NIBAN2: variants seen among roughly 807,000 people sequenced by gnomAD.
NIBAN2 encodes protein Niban 2.
A neutral mutation model predicts 81.8 loss-of-function variants in NIBAN2; 36 were observed. The observed-to-expected ratio is 0.44, with a 90% CI of 0.34 to 0.58. The LOEUF is 0.58. NIBAN2 is among the 20% of genes least tolerant of loss of function. NIBAN2 has a pLI of 0.02. For synonymous variants in NIBAN2, 445 were observed against 441.6 expected, an observed-to-expected ratio of 1.01 and a Z score of -0.10; for missense variants, 897 against 1,014.1, an observed-to-expected ratio of 0.88 and a Z score of 1.57.
chr9:127,569,035 C>G lies in NIBAN2; in HGVS notation c.-161G>C, dbSNP rs1837910482. The stretch of plus-strand genomic sequence containing the variant: ...CCGGCTGCGGCTTCCGCTCCGGCTC[C>G]GCTCCCGGTCGGGCCCCGTCCCTCC... On this transcript the variant is annotated 5_prime_UTR_variant, in exon 1 of 14. Coordinates refer to ENST00000373312, the MANE Select transcript of NIBAN2 (RefSeq NM_022833.4). The G allele has an allele frequency of 9.1e-7, 1 of 1,102,656 alleles. No individual in the cohort carries two copies. The highest frequency in any genetic ancestry group is 5.2e-5 in the Admixed American group (1 of 19,400). 68.3% of individuals were successfully genotyped at this position (1,102,656 alleles called of 1,614,324 possible).
chr9:127,526,412 A>AG (rs1353672352), intron 3 of NIBAN2, among the ~76,000 whole-genome samples: 12 of 151,330 alleles, frequency 7.9e-5, no homozygotes, highest in African/African-American at 1.2e-4. Flanking sequence ...AAAAAAAAAA[A>AG]AAAGAAAAAA....
intron 1 of NIBAN2, chr9:127,561,246 GGAA>G: frequency 1.0e-6 from 1 of 985,458 alleles, no homozygotes; most frequent in Non-Finnish European, 1.2e-6. Flanking sequence ...ACCTTGGAAG[GGAA>G]GAAGATTCTC....
At chr9:127,547,246 C>A (rs923133650) in intron 1 of NIBAN2, among the ~76,000 whole-genome samples, 1 of 152,134 alleles carries the variant, frequency 6.6e-6, no homozygotes, top group Non-Finnish European at 1.5e-5. Flanking sequence ...GTAACAGCAA[C>A]CTGGCCAGGT....
intron 5 of NIBAN2, among the ~76,000 whole-genome samples, chr9:127,523,192 A>AAT (rs71380069): frequency 4.5e-4 from 6 of 13,452 alleles, no homozygotes; most frequent in Admixed American, 1.4e-3. Flanking sequence ...AAAAAAAAAA[A>AAT]ATATATATAT....
intron 4 of NIBAN2, 140 bp downstream of exon 4, chr9:127,524,918 G>A (rs987579848): frequency 1.6e-6 from 1 of 628,992 alleles, no homozygotes; most frequent in African/African-American, 1.8e-5. Context: ...CAAACAATGA[G>A]GTCTCCATCC....
At chr9:127,564,644 G>A (rs1253569120) in intron 1 of NIBAN2, among the ~76,000 whole-genome samples, 3 of 152,030 alleles carry the variant, frequency 2.0e-5, no homozygotes, top group Non-Finnish European at 4.4e-5. Flanking sequence ...AGGTCGAGGT[G>A]GGTGGATCAC....
rs373796684 is a variant in NIBAN2, at chr9:127,507,990, G to A, written c.1543-12C>T. The A allele has an allele frequency of 2.5e-6, 4 of 1,613,894 alleles. No individual in the cohort carries two copies. Among genetic ancestry groups the A allele is most frequent in the East Asian group, 2.2e-5 (1 of 44,884 alleles). ...AACCGGGGCAGCTCCTGCCCGGGTG[G>A]GGCGGCAGAGATGAGAGGTCAGGGC... On this transcript the variant is annotated splice_polypyrimidine_tract_variant and intron_variant, in intron 12 of 13. Coordinates refer to ENST00000373312, the MANE Select transcript of NIBAN2 (RefSeq NM_022833.4). This position sits in a 1 kb window ranked among gnomAD's most constrained non-coding sequence, Gnocchi z 6.8.
chr9:127,531,930 G>C (rs1837192299), intron 1 of NIBAN2, 152 bp from the exon 2 acceptor site: 1 of 1,095,734 alleles, frequency 9.1e-7, no homozygotes, highest in South Asian at 1.7e-5. Context: ...CTGCATTTCT[G>C]GCCAGAGCCC....
intron 2 of NIBAN2, among the ~76,000 whole-genome samples, chr9:127,529,686 C>T (rs1471750410): frequency 1.3e-5 from 2 of 150,842 alleles, no homozygotes; most frequent in African/African-American, 4.8e-5. Context: ...ATTCTTATTT[C>T]TGTTGTATTA....
intron 2 of NIBAN2, 29 bp from the exon 3 acceptor site, chr9:127,527,351 G>A: frequency 6.2e-7 from 1 of 1,604,898 alleles, no homozygotes; most frequent in Non-Finnish European, 8.5e-7. Flanking sequence ...GGGGAGTGAG[G>A]CCCAGGTCTG....
intron 1 of NIBAN2, chr9:127,578,783 G>C (rs1397554490): frequency 2.7e-6 from 2 of 746,226 alleles, no homozygotes; most frequent in African/African-American, 3.6e-5. Context: ...CTTGAGCCCA[G>C]GAGTTTGAGG....
intron 3 of NIBAN2, among the ~76,000 whole-genome samples, chr9:127,525,515 A>C (rs1208663710): frequency 1.3e-5 from 2 of 152,086 alleles, no homozygotes; most frequent in Admixed American, 6.5e-5. Context: ...TAAAAACAAA[A>C]CCAGGGTAAT....
intron 1 of NIBAN2, among the ~76,000 whole-genome samples, chr9:127,544,921 T>G (rs1346248140): frequency 1.3e-5 from 2 of 152,150 alleles, no homozygotes; most frequent in Non-Finnish European, 2.9e-5. Context: ...ACCTCCAAGA[T>G]CAAGTCCAAA....
chr9:127,573,085 T>C (rs7867103), upstream of NIBAN2, among the ~76,000 whole-genome samples: 115,354 of 152,080 alleles, frequency 0.76, 43,903 homozygotes, highest in Middle Eastern at 0.82. Context: ...TATATTCCAT[T>C]GTATGTATAC....
rs1836610978 is a variant in NIBAN2, at chr9:127,506,980, CAGG to C, written c.2103_2105del (p.Leu702del). 6.2e-7 allele frequency: 1 copy of C among 1,601,114 alleles called. No individual in the cohort carries two copies. Among genetic ancestry groups the C allele is most frequent in the Admixed American group, 1.7e-5 (1 of 58,826 alleles). On this transcript the variant is annotated inframe_deletion, in exon 14 of 14. Transcript: ENST00000373312. ...GCCCAAGGTCCACAGCCTTTCCAGGCAGGAGATGCTGGAGGGGTGAGGCAGGCG... is the reference window on the plus strand; with the variant it reads ...GCCCAAGGTCCACAGCCTTTCCAGGCAGATGCTGGAGGGGTGAGGCAGGCG...
intron 1 of NIBAN2, among the ~76,000 whole-genome samples, chr9:127,551,172 T>C (rs1048252431): frequency 6.6e-6 from 1 of 152,090 alleles, no homozygotes; most frequent in Non-Finnish European, 1.5e-5. Flanking sequence ...GTGGATCACC[T>C]GAGGTCAGGA....
chr9:127,554,614 G>T (rs1335306544), intron 1 of NIBAN2, among the ~76,000 whole-genome samples: 2 of 133,270 alleles, frequency 1.5e-5, no homozygotes, highest in Non-Finnish European at 3.1e-5. Flanking sequence ...AGGCTGGAGT[G>T]CTATGGCACG....
Position 127,538,622 on chromosome 9 carries a change from A to G in NIBAN2, c.56-6844T>C, listed in dbSNP as rs568039166. ...AACCTGGGAGACACAGTGAGACTCCATCTCAAAGAAAAAAAAAAAAAAAAA... is the reference window on the plus strand; with the variant it reads ...AACCTGGGAGACACAGTGAGACTCCGTCTCAAAGAAAAAAAAAAAAAAAAA... On this transcript the variant is annotated intron_variant, in intron 1 of 13. Coordinates refer to ENST00000373312, the MANE Select transcript of NIBAN2 (RefSeq NM_022833.4). 2.6e-5 allele frequency among the ~76,000 whole-genome samples: 3 copies of G among 116,500 alleles called. No individual in the cohort carries two copies. In the South Asian group the frequency reaches 8.7e-4, roughly 34 times the overall value. 76.4% of individuals were successfully genotyped at this position (116,500 alleles called of 152,430 possible).
intron 1 of NIBAN2, among the ~76,000 whole-genome samples, chr9:127,576,544 A>T (rs1838010806): frequency 1.3e-5 from 2 of 152,096 alleles, no homozygotes; most frequent in African/African-American, 4.8e-5. Context: ...CTTCTGCCTC[A>T]TTGAATGGTC....
Sources: gnomAD v4.1 joint callset for allele counts (sites outside exome capture counted in the v4.1 genomes callset) on GRCh38, gnomAD v4.1.1 for gene constraint, Gnocchi (gnomAD v3.1) non-coding constraint, MANE v1.5 for transcripts, NCBI Gene and HGNC (gene_info 2026-07-23, HGNC 2026-07-21) for gene names.